The following GRK3 variants were observed in gnomAD, a reference collection of about 807,000 sequenced individuals.
GRK3 encodes adrenergic, beta, receptor kinase 2.
A neutral mutation model predicts 95.7 loss-of-function variants in GRK3; 54 were observed. That is an observed-to-expected ratio of 0.56 (90% CI 0.45 to 0.71). The LOEUF (loss-of-function observed/expected upper bound fraction) is 0.71, where lower values mean the gene tolerates loss of function less well. GRK3 is among the 30% of genes least tolerant of loss of function. GRK3 has a pLI of 0.00. For synonymous variants in GRK3, 281 were observed against 290.8 expected (o/e 0.97, Z 0.34); for missense variants, 649 against 851.2 (o/e 0.76, Z 2.96).
chr22:25,639,053 CT>C (rs1392911665), intron 2 of GRK3, among the ~76,000 whole-genome samples: 1 of 152,076 alleles, frequency 6.6e-6, no homozygotes, highest in African/African-American at 2.4e-5. Context: ...AGTTGTTCTT[CT>C]TTTAACATGG....
At chr22:25,681,404 T>C (rs1887516674) in intron 9 of GRK3, among the ~76,000 whole-genome samples, 1 of 151,736 alleles carries the variant, frequency 6.6e-6, no homozygotes, top group Non-Finnish European at 1.5e-5. Context: ...CTTTCTGAAG[T>C]TGGGGGTTAC....
intron 16 of GRK3, 118 bp downstream of exon 16, chr22:25,710,082 C>T (rs902195363): frequency 4.2e-5 from 32 of 762,764 alleles, no homozygotes; most frequent in African/African-American, 6.8e-5. Flanking sequence ...GCTGTGTCTC[C>T]CCAGCATCCC....
In GRK3 at chr22:25,725,927, C is replaced by T. The variant is rs181365401; in HGVS notation, c.*3477C>T. On this transcript the variant is annotated 3_prime_UTR_variant, in exon 21 of 21. Transcript: ENST00000324198. ...TTGCGCCACTGCACTCCAGCCTGGG[C>T]GACAGAGCGAGACTCTGTCTCAAAA... 1.2e-3 allele frequency: 270 copies of T among 224,608 alleles called. 3 individuals are homozygous for T. The highest frequency in any genetic ancestry group is 5.3e-3 in the African/African-American group (231 of 43,862). The allele number at this position is 224,608 out of a possible 1,614,324, so 13.9% of individuals were successfully genotyped here.
chr22:25,705,092 T>C (rs1370512075), intron 15 of GRK3, among the ~76,000 whole-genome samples: 1 of 152,224 alleles, frequency 6.6e-6, no homozygotes. Flanking sequence ...AAGCATTTTA[T>C]GTAGATAGCT....
chr22:25,642,294 A>G (rs985431503), intron 2 of GRK3, among the ~76,000 whole-genome samples: 3 of 152,142 alleles, frequency 2.0e-5, no homozygotes, highest in Non-Finnish European at 4.4e-5. Context: ...TTAGCCGGCC[A>G]TGATCGCGGG....
intron 8 of GRK3, among the ~76,000 whole-genome samples, chr22:25,677,574 A>G (rs1297835018): frequency 1.3e-5 from 2 of 152,178 alleles, no homozygotes; most frequent in Non-Finnish European, 2.9e-5. Context: ...TGTCTTGCCA[A>G]TTGATTTGTT....
chr22:25,613,213 A>G (rs2084512044), intron 2 of GRK3, among the ~76,000 whole-genome samples: 1 of 151,542 alleles, frequency 6.6e-6, no homozygotes, highest in Non-Finnish European at 1.5e-5. Context: ...ACCAACTTCA[A>G]CTTTGTTTTC....
In GRK3 at chr22:25,690,360, T is replaced by G. The variant is rs929385539; in HGVS notation, c.1052+77T>G. 2.9e-6 allele frequency: 3 copies of G among 1,043,014 alleles called. No homozygotes were observed. The African/African-American group carries it at 4.8e-5, about 17-fold the overall frequency. 64.6% of individuals were successfully genotyped at this position (1,043,014 alleles called of 1,614,324 possible). ...AAGGCGTGGCCATTTGTCACCCCAT[T>G]TCTCTTACCAGTGGTGATTTTCAAT... is the stretch of plus-strand genomic sequence containing the variant. On this transcript the variant is annotated intron_variant, in intron 12 of 20. Coordinates refer to ENST00000324198, the MANE Select transcript of GRK3 (RefSeq NM_005160.4).
At chr22:25,584,461 A>T (rs918398967) in intron 1 of GRK3, among the ~76,000 whole-genome samples, 1 of 152,222 alleles carries the variant, frequency 6.6e-6, no homozygotes, top group African/African-American at 2.4e-5. Context: ...TGATGGCCCC[A>T]AAGTGTGTGA....
At chr22:25,616,463 C>T (rs1295558582) in intron 2 of GRK3, among the ~76,000 whole-genome samples, 1 of 152,084 alleles carries the variant, frequency 6.6e-6, no homozygotes, top group African/African-American at 2.4e-5. Flanking sequence ...TGTGGCAACT[C>T]ACTCTCATGA....
In GRK3 at chr22:25,729,179, T is replaced by G. The variant is rs2085497135; in HGVS notation, c.*6729T>G. The G allele has an allele frequency of 6.6e-6, 1 of 152,246 alleles. No homozygotes were observed. The highest frequency in any genetic ancestry group is 2.4e-5 in the African/African-American group (1 of 41,460). 9.4% of individuals were successfully genotyped at this position (152,246 alleles called of 1,614,324 possible). ...CACGTCTGAGGTCACCTGCCCTGTG[T>G]GGGGCACACCACCGTCAGCACCACC... On this transcript the variant is annotated 3_prime_UTR_variant, in exon 21 of 21. Coordinates refer to ENST00000324198, the MANE Select transcript of GRK3 (RefSeq NM_005160.4).
At chr22:25,663,223 C>T (rs2084920940) in intron 4 of GRK3, among the ~76,000 whole-genome samples, 1 of 152,126 alleles carries the variant, frequency 6.6e-6, no homozygotes, top group Non-Finnish European at 1.5e-5. Context: ...TGAGGTTCCA[C>T]TGTGTTGCCC....
In GRK3 at chr22:25,590,713, C is replaced by CTGGG. The variant is rs1569155896; in HGVS notation, c.114-13664_114-13663insTGGG. Among the ~76,000 whole-genome samples, 30 of 152,182 alleles carry CTGGG rather than the reference C, an allele frequency of 2.0e-4. No individual in the cohort carries two copies. The East Asian group carries it at 4.2e-3, about 22-fold the overall frequency. The stretch of plus-strand genomic sequence containing the variant: ...GTGGGCACCCACAGTCCCAGCTACT[C>CTGGG]GAGAGGCTGAGGGAGGAGTATCACT... On this transcript the variant is annotated intron_variant, in intron 1 of 20. Coordinates refer to ENST00000324198, the MANE Select transcript of GRK3 (RefSeq NM_005160.4).
At chr22:25,710,033 G>T in intron 16 of GRK3, 69 bp downstream of exon 16, 1 of 1,206,028 alleles carries the variant, frequency 8.3e-7, no homozygotes, top group South Asian at 1.2e-5. Flanking sequence ...CTCTGTCTCA[G>T]TTTCTGTCTC....
rs74383790 is a variant in GRK3 at position 25,684,925 on chromosome 22, G to A, written c.748-245G>A. Among the ~76,000 whole-genome samples the A allele has an allele frequency of 1.5e-3, 232 of 152,282 alleles. 3 individuals carry two copies. The highest frequency in any genetic ancestry group is 5.0e-3 in the African/African-American group (207 of 41,548). On this transcript the variant is annotated intron_variant, in intron 9 of 20. Coordinates refer to ENST00000324198, the MANE Select transcript of GRK3 (RefSeq NM_005160.4). The stretch of plus-strand genomic sequence containing the variant: ...AAAAATAGCAAGAAGAGAGACTTTT[G>A]AAGGTTCTCACCACAAAGAAGTGAT...
intron 18 of GRK3, among the ~76,000 whole-genome samples, chr22:25,715,370 G>T (rs1309226019): frequency 6.6e-6 from 1 of 152,164 alleles, no homozygotes; most frequent in Admixed American, 6.5e-5. Context: ...GAATTAGCCA[G>T]GTGTGGTGGC....
In GRK3 at chr22:25,724,708, G is replaced by A. The variant is rs1314542258; in HGVS notation, c.*2258G>A. ...GAGGGCGGTCACCAGTTGTGTTGGGGTCTGGTTTGAGTGCCTTCTGCCAAA... is the reference window on the plus strand; with the variant it reads ...GAGGGCGGTCACCAGTTGTGTTGGGATCTGGTTTGAGTGCCTTCTGCCAAA... On this transcript the variant is annotated 3_prime_UTR_variant, in exon 21 of 21. Transcript: ENST00000324198. 6.6e-6 allele frequency: 1 copy of A among 152,144 alleles called. No individual in the cohort carries two copies. The highest frequency in any genetic ancestry group is 1.5e-5 in the Non-Finnish European group (1 of 68,040). 9.4% of individuals were successfully genotyped at this position (152,144 alleles called of 1,614,324 possible).
At chr22:25,659,972 T>C (rs1231514482) in intron 3 of GRK3, among the ~76,000 whole-genome samples, 1 of 152,206 alleles carries the variant, frequency 6.6e-6, no homozygotes, top group Non-Finnish European at 1.5e-5. Flanking sequence ...TAAATTTCAT[T>C]ACACTTGTTT....
intron 1 of GRK3, among the ~76,000 whole-genome samples, chr22:25,579,188 G>A (rs1459977695): frequency 1.3e-5 from 2 of 150,562 alleles, no homozygotes; most frequent in Non-Finnish European, 3.0e-5. Context: ...ACACGCTCTC[G>A]CTCTGTCACC....
Sources: allele counts gnomAD v4.1 joint callset (sites outside exome capture counted in the v4.1 genomes callset), GRCh38; gene constraint gnomAD v4.1.1; transcripts MANE v1.5; gene names NCBI Gene and HGNC (gene_info 2026-07-23, HGNC 2026-07-21).